Variants in TMEM132D observed in about 807,000 individuals in gnomAD.
TMEM132D encodes mature OL transmembrane protein.
Under a neutral mutation model 62.3 loss-of-function variants are expected in TMEM132D, and 21 were observed. The ratio of observed to expected loss-of-function variants is 0.34; its 90% CI spans 0.24 to 0.49. TMEM132D has a LOEUF of 0.49. TMEM132D is among the 20% of genes least tolerant of loss of function. The pLI, the probability that TMEM132D is intolerant of heterozygous loss-of-function variation, is 0.99. For synonymous variants in TMEM132D, 621 were observed against 575.6 expected (o/e 1.08, Z -1.13); for missense variants, 1,346 against 1,402.8 (o/e 0.96, Z 0.65).
At chr12:129,497,116 T>C (rs1874982865) in intron 3 of TMEM132D, among the ~76,000 whole-genome samples, 1 of 152,156 alleles carries the variant, frequency 6.6e-6, no homozygotes, top group Admixed American at 6.6e-5. Flanking sequence ...GAGACAAGCC[T>C]GGCCAACATA....
intron 7 of TMEM132D, among the ~76,000 whole-genome samples, chr12:129,081,430 C>A (rs1376623590): frequency 6.6e-6 from 1 of 152,140 alleles, no homozygotes; most frequent in African/African-American, 2.4e-5. Context: ...TCCCGAGTAG[C>A]TGGGACCACA....
intron 5 of TMEM132D, among the ~76,000 whole-genome samples, chr12:129,142,527 T>C (rs936041908): frequency 6.6e-5 from 10 of 152,234 alleles, no homozygotes; most frequent in African/African-American, 2.4e-4. Context: ...AGTAGACTTG[T>C]GATTCTAATT....
At chr12:129,395,656 T>A (rs1593363514) in intron 3 of TMEM132D, among the ~76,000 whole-genome samples, 1 of 133,688 alleles carries the variant, frequency 7.5e-6, no homozygotes, top group Admixed American at 7.5e-5. Context: ...GATGTACTTA[T>A]AAGATAAAAT....
chr12:129,612,450 T>C, intron 2 of TMEM132D, among the ~76,000 whole-genome samples: 1 of 152,070 alleles, frequency 6.6e-6, no homozygotes, highest in East Asian at 1.9e-4. Flanking sequence ...AGTAAAAAAA[T>C]AAAAATAAAA....
rs954403024 is a variant in TMEM132D at position 129,704,417 on chromosome 12, A to C, written c.80-3719T>G. On this transcript the variant is annotated intron_variant, in intron 1 of 8. Coordinates refer to ENST00000422113, the MANE Select transcript of TMEM132D (RefSeq NM_133448.3). Reference sequence around the variant, plus strand: ...TCAGCTGAATCAGAGACCCAAGCATAGGGGGCGCCGCGCTGCACAGAAAGC... The same window carrying C: ...TCAGCTGAATCAGAGACCCAAGCATCGGGGGCGCCGCGCTGCACAGAAAGC... 3.3e-5 allele frequency among the ~76,000 whole-genome samples: 5 copies of C among 152,350 alleles called. No homozygotes were observed. In the East Asian group the frequency reaches 9.6e-4, roughly 29 times the overall value.
At chr12:129,884,242 A>G (rs1279451645) in intron 1 of TMEM132D, among the ~76,000 whole-genome samples, 3 of 152,250 alleles carry the variant, frequency 2.0e-5, no homozygotes, top group East Asian at 1.9e-4. Context: ...TATCAGTTAC[A>G]TAATAGAAAA....
chr12:129,401,511 G>A (rs977663182), intron 3 of TMEM132D, among the ~76,000 whole-genome samples: 2 of 152,176 alleles, frequency 1.3e-5, no homozygotes, highest in Non-Finnish European at 2.9e-5. Context: ...GGAGGCTGCA[G>A]TGAGCTGAGA....
chr12:129,228,609 T>G lies in TMEM132D; in HGVS notation c.1300-18946A>C, dbSNP rs908599092. Among the ~76,000 whole-genome samples the G allele has an allele frequency of 3.3e-5, 5 of 152,300 alleles. No individual in the cohort carries two copies. In the East Asian group the frequency reaches 9.7e-4, roughly 29 times the overall value. ...CAGATGCTCAACCTGAATCGAATCA[T>G]GTGATGTGTGGTCTTTTGAGACTGG... is the stretch of plus-strand genomic sequence containing the variant. On this transcript the variant is annotated intron_variant, in intron 4 of 8. Transcript: ENST00000422113.
intron 1 of TMEM132D, among the ~76,000 whole-genome samples, chr12:129,790,207 C>T (rs1871364724): frequency 6.6e-6 from 1 of 152,170 alleles, no homozygotes; most frequent in African/African-American, 2.4e-5. Flanking sequence ...GGGGGATGCC[C>T]ACGACCCCTG....
At chr12:129,895,931 T>C (rs1875098252) in intron 1 of TMEM132D, among the ~76,000 whole-genome samples, 1 of 150,540 alleles carries the variant, frequency 6.6e-6, no homozygotes, top group South Asian at 2.1e-4. Context: ...GCTTTTGAAA[T>C]CAAAAGTCAG....
chr12:129,369,258 CGT>C (rs1870520076), intron 3 of TMEM132D, among the ~76,000 whole-genome samples: 1 of 152,118 alleles, frequency 6.6e-6, no homozygotes, highest in Non-Finnish European at 1.5e-5. Flanking sequence ...GGGAAAATAA[CGT>C]GTGTCTTCCA....
At chr12:129,332,925 T>G (rs1002625912) in intron 4 of TMEM132D, among the ~76,000 whole-genome samples, 2 of 152,202 alleles carry the variant, frequency 1.3e-5, no homozygotes, top group East Asian at 3.8e-4. Flanking sequence ...GATGAAAAAG[T>G]TCCAGAGAGC....
In TMEM132D at chr12:129,779,742, G is replaced by A. The variant is rs1036678669; in HGVS notation, c.80-79044C>T. Among the ~76,000 whole-genome samples the A allele has an allele frequency of 3.3e-5, 5 of 152,054 alleles. No homozygotes were observed. The highest frequency in any genetic ancestry group is 4.4e-5 in the Non-Finnish European group (3 of 68,014). On this transcript the variant is annotated intron_variant, in intron 1 of 8. Transcript: ENST00000422113. This position sits in a 1 kb window ranked among gnomAD's most constrained non-coding sequence, Gnocchi z 4.1. ...GTTCTGGCGAGTCTCATTACTTATG[G>A]TTTATTCTGGGAACAGGATTTAAGG...
intron 4 of TMEM132D, among the ~76,000 whole-genome samples, chr12:129,303,176 T>C (rs1881767098): frequency 6.7e-6 from 1 of 148,514 alleles, no homozygotes; most frequent in Non-Finnish European, 1.5e-5. Context: ...CTGCAGAGCC[T>C]CCACCATCAT....
chr12:129,120,246 G>A (rs752016848), intron 5 of TMEM132D, among the ~76,000 whole-genome samples: 4 of 152,178 alleles, frequency 2.6e-5, no homozygotes, highest in African/African-American at 4.8e-5. Flanking sequence ...TACAGTCTAT[G>A]GGGGCAAGAG....
chr12:129,601,003 C>T (rs1302489770), intron 2 of TMEM132D, among the ~76,000 whole-genome samples: 1 of 151,960 alleles, frequency 6.6e-6, no homozygotes, highest in Non-Finnish European at 1.5e-5. Context: ...TCCTCTCTAG[C>T]TATGAAAGTC....
At chr12:129,273,232 A>G (rs1880906022) in intron 4 of TMEM132D, among the ~76,000 whole-genome samples, 1 of 151,750 alleles carries the variant, frequency 6.6e-6, no homozygotes, top group African/African-American at 2.4e-5. Flanking sequence ...AAAAACAAGC[A>G]AAAGAATAAT....
intron 1 of TMEM132D, among the ~76,000 whole-genome samples, chr12:129,733,372 G>C (rs1359271253): frequency 6.6e-6 from 1 of 152,142 alleles, no homozygotes; most frequent in East Asian, 1.9e-4. Context: ...ACAGAGAATA[G>C]TTTTCAGAGC....
intron 4 of TMEM132D, among the ~76,000 whole-genome samples, chr12:129,289,505 T>C (rs1421191000): frequency 1.4e-5 from 2 of 145,088 alleles, no homozygotes; most frequent in East Asian, 2.0e-4. Flanking sequence ...GATGGTGCCA[T>C]TGCACTCCAG....
Sources: allele counts gnomAD v4.1 joint callset (sites outside exome capture counted in the v4.1 genomes callset), GRCh38; gene constraint gnomAD v4.1.1; non-coding constraint Gnocchi (gnomAD v3.1); transcripts MANE v1.5; gene names NCBI Gene and HGNC (gene_info 2026-07-23, HGNC 2026-07-21).